NFU1: variants seen among roughly 807,000 people sequenced by gnomAD.
NFU1 encodes NFU1 iron-sulfur cluster scaffold homolog, mitochondrial.
In NFU1, 30 loss-of-function variants were observed where a neutral mutation model predicts 32.2. That is an observed-to-expected ratio of 0.93 (90% CI 0.70 to 1.26). The LOEUF is 1.26. Among genes scored for constraint, NFU1 ranks in the 50% most tolerant of loss-of-function variants. NFU1 has a pLI of 0.00. For synonymous variants in NFU1, 112 were observed against 104.6 expected (o/e 1.07, Z -0.43); for missense variants, 306 against 306.6 (o/e 1.00, Z 0.02).
intron 7 of NFU1, 44 bp from the exon 8 acceptor site, chr2:69,396,334 T>C (rs757821574): frequency 2.0e-6 from 3 of 1,470,096 alleles, no homozygotes; most frequent in East Asian, 4.5e-5. Context: ...AAGAAAATGA[T>C]TAGATTTTGC....
intron 5 of NFU1, among the ~76,000 whole-genome samples, chr2:69,406,500 C>CA (rs1478758873): frequency 1.3e-5 from 2 of 152,300 alleles, no homozygotes; most frequent in South Asian, 2.1e-4. Flanking sequence ...TTCAGTTTCT[C>CA]AATTTACTGG....
intron 7 of NFU1, among the ~76,000 whole-genome samples, chr2:69,400,124 C>T (rs1177491683): frequency 2.0e-5 from 3 of 152,148 alleles, no homozygotes; most frequent in African/African-American, 7.2e-5. Flanking sequence ...CCACCCACCT[C>T]AGCCTCCCAA....
intron 5 of NFU1, among the ~76,000 whole-genome samples, chr2:69,412,299 T>A (rs1012344311): frequency 2.6e-5 from 4 of 152,070 alleles, no homozygotes; most frequent in African/African-American, 9.7e-5. Context: ...TCTGCCCACC[T>A]CAGCCTCCCA....
chr2:69,418,420 A>G (rs1673129059), intron 4 of NFU1, among the ~76,000 whole-genome samples: 1 of 152,138 alleles, frequency 6.6e-6, no homozygotes, highest in African/African-American at 2.4e-5. Context: ...CCGCAAGAGA[A>G]TACTGGACTA....
chr2:69,417,319 A>C (rs536619136), intron 4 of NFU1, among the ~76,000 whole-genome samples: 3 of 152,084 alleles, frequency 2.0e-5, no homozygotes, highest in Non-Finnish European at 2.9e-5. Context: ...ACTGGAAGAA[A>C]ACAAAATAAA....
At chr2:69,422,141 G>A (rs935204129) in intron 3 of NFU1, among the ~76,000 whole-genome samples, 3 of 152,066 alleles carry the variant, frequency 2.0e-5, no homozygotes, top group Non-Finnish European at 2.9e-5. Context: ...ATGATGCAGC[G>A]AGGGTGGTGG....
intron 5 of NFU1, among the ~76,000 whole-genome samples, chr2:69,410,021 C>T (rs1389619960): frequency 1.3e-5 from 2 of 152,254 alleles, no homozygotes; most frequent in Middle Eastern, 3.4e-3. Context: ...CTAACCTTGA[C>T]GGATATAAGA....
intron 6 of NFU1, among the ~76,000 whole-genome samples, chr2:69,402,625 A>G (rs1672559295): frequency 6.6e-6 from 1 of 152,172 alleles, no homozygotes; most frequent in Non-Finnish European, 1.5e-5. Flanking sequence ...CTTGTTGCCC[A>G]GGCTGGAGTG....
chr2:69,437,138 TGAGAGGAAGCTCCA>T (rs1197085331), intron 1 of NFU1: 7 of 975,042 alleles, frequency 7.2e-6, no homozygotes, highest in Non-Finnish European at 1.0e-5. Flanking sequence ...TCTCTGAGCC[TGAGAGGAAGCTCCA>T]GAGAGTCCGC....
upstream of NFU1, chr2:69,437,455 A>G: frequency 6.2e-7 from 1 of 1,604,846 alleles, no homozygotes; most frequent in Non-Finnish European, 8.5e-7. Flanking sequence ...TCTCCCTGAC[A>G]GAACCACGAA....
In NFU1 at chr2:69,434,879, G is replaced by A. The variant is rs1207200470; in HGVS notation, c.62+2482C>T. ...AGGATAGACTGGCAGGCCAGGGAACGGGTGTTGCTGACTGGTTGGGGATGC... is the reference window on the plus strand; with the variant it reads ...AGGATAGACTGGCAGGCCAGGGAACAGGTGTTGCTGACTGGTTGGGGATGC... On this transcript the variant is annotated intron_variant, in intron 1 of 7. Transcript: ENST00000410022. 3.9e-5 allele frequency among the ~76,000 whole-genome samples: 6 copies of A among 152,314 alleles called. 1 individual carries two copies. The highest frequency in any genetic ancestry group is 9.6e-5 in the African/African-American group (4 of 41,568).
chr2:69,399,098 C>G (rs1672428920), intron 7 of NFU1: 1 of 194,970 alleles, frequency 5.1e-6, no homozygotes, highest in African/African-American at 2.4e-5. Context: ...ATCCCAGCTA[C>G]TCATGAGGCT....
In NFU1 at chr2:69,415,187, G is replaced by C. The variant is rs752245896; in HGVS notation, c.482C>G (p.Ala161Gly). ...AATTACTCAATACAACATGTTACCT[G>C]CTTCTCCTGAAGGTGTTTCCTCAGT... ...LVTEETPSGE[A>G]GSEEDDEVVA... The change falls in exon 5 of 8, where the codon GCA (alanine) becomes GGA (glycine). Residue 161 changes from alanine (A) to glycine (G), a missense_variant and splice_region_variant. Coordinates refer to ENST00000410022, the MANE Select transcript of NFU1 (RefSeq NM_001002755.4). 1 of 1,562,978 alleles carries C rather than the reference G, an allele frequency of 6.4e-7. No homozygotes were observed. Among genetic ancestry groups the C allele is most frequent in the Non-Finnish European group, 8.8e-7 (1 of 1,133,630 alleles).
chr2:69,426,581 C>T (rs1322202237), intron 2 of NFU1, among the ~76,000 whole-genome samples: 7 of 151,916 alleles, frequency 4.6e-5, no homozygotes, highest in African/African-American at 1.7e-4. Context: ...CCACTGTGCC[C>T]GCCAACTCTT....
chr2:69,406,500 C>T (rs1672699319), intron 5 of NFU1, among the ~76,000 whole-genome samples: 1 of 152,182 alleles, frequency 6.6e-6, no homozygotes, highest in South Asian at 2.1e-4. Context: ...TTCAGTTTCT[C>T]AATTTACTGG....
chr2:69,399,210 CAAA>C (rs752746093), intron 7 of NFU1: 3,484 of 198,132 alleles, frequency 0.018, no homozygotes, highest in South Asian at 0.026. Context: ...ATTCTGTCTC[CAAA>C]AAAAAAAAAA....
intron 3 of NFU1, among the ~76,000 whole-genome samples, chr2:69,423,241 T>TGA (rs1159472106): frequency 1.2e-4 from 4 of 33,460 alleles, no homozygotes; most frequent in East Asian, 6.6e-4. Context: ...GCTCTCTGTG[T>TGA]GAGTGTGTGT....
chr2:69,435,074 A>G (rs992021467), intron 1 of NFU1, among the ~76,000 whole-genome samples: 2 of 152,174 alleles, frequency 1.3e-5, no homozygotes, highest in African/African-American at 4.8e-5. Flanking sequence ...GACCGCCAGA[A>G]TAATGGCTGG....
rs1487125911 is a variant in NFU1 at position 69,396,257 on chromosome 2, T to G, written c.754A>C (p.Asn252His). The G allele has an allele frequency of 6.2e-7, 1 of 1,611,442 alleles. No individual in the cohort carries two copies. The highest frequency in any genetic ancestry group is 8.5e-7 in the Non-Finnish European group (1 of 1,178,152). Reference sequence around the variant, plus strand: ...AAATCCAGATTATTTTAAGGTGAGTTTGCTTCTTTTTCATCTGATTCATCA... The same window carrying G: ...AAATCCAGATTATTTTAAGGTGAGTGTGCTTCTTTTTCATCTGATTCATCA... Reference protein sequence around the residue: ...MDDESDEKEANSP With the variant: ...MDDESDEKEAHSP Residue 252 changes from asparagine (N) to histidine (H), a missense_variant, in exon 8 of 8, where the codon AAC becomes CAC. By Grantham distance (68) the Asn-to-His change is moderately conservative. Transcript: ENST00000410022.
Sources: gnomAD v4.1 joint callset for allele counts (sites outside exome capture counted in the v4.1 genomes callset) on GRCh38, gnomAD v4.1.1 for gene constraint, MANE v1.5 for transcripts, NCBI Gene and HGNC (gene_info 2026-07-23, HGNC 2026-07-21) for gene names.